Variants in KAT14 observed in about 807,000 individuals in gnomAD.
KAT14 encodes the protein lysine acetyltransferase 14.
Under a neutral mutation model 78.4 loss-of-function variants are expected in KAT14, and 66 were observed. The observed-to-expected ratio is 0.84, with a 90% CI of 0.69 to 1.03. The LOEUF is 1.03. KAT14 is among the 50% of genes least tolerant of loss of function. The pLI, the probability that KAT14 is intolerant of heterozygous loss-of-function variation, is 0.00. For missense variants in KAT14, 870 were observed against 972.5 expected (o/e 0.89, Z 1.40); for synonymous variants, 344 against 359.4 (o/e 0.96, Z 0.48).
At chr20:18,155,534 A>G (rs2038195653) in intron 4 of KAT14, among the ~76,000 whole-genome samples, 1 of 152,132 alleles carries the variant, frequency 6.6e-6, no homozygotes, top group Non-Finnish European at 1.5e-5. Flanking sequence ...GTGAAAAGAG[A>G]TGGCAGCCAT....
intron 10 of KAT14, among the ~76,000 whole-genome samples, chr20:18,185,596 T>G (rs2039426052): frequency 6.6e-6 from 1 of 152,360 alleles, no homozygotes; most frequent in East Asian, 1.9e-4. Context: ...TGAATTATAA[T>G]TCATCCTTTA....
intron 4 of KAT14, among the ~76,000 whole-genome samples, chr20:18,156,310 A>G (rs987588147): frequency 6.6e-6 from 1 of 152,262 alleles, no homozygotes; most frequent in East Asian, 1.9e-4. Context: ...CTGAAAGTGG[A>G]TGGTGGTGGT....
chr20:18,165,285 T>C (rs2038599245), intron 7 of KAT14, among the ~76,000 whole-genome samples: 1 of 152,188 alleles, frequency 6.6e-6, no homozygotes, highest in Non-Finnish European at 1.5e-5. Context: ...TTAGATGAAG[T>C]TTCCTGGAGA....
chr20:18,181,880 T>C (rs1265074924), intron 8 of KAT14, 34 bp downstream of exon 8: 15 of 1,610,512 alleles, frequency 9.3e-6, no homozygotes, highest in East Asian at 2.2e-5. Flanking sequence ...ATGTCAGGTG[T>C]GTCATGAGGG....
Position 18,142,440 on chromosome 20 carries a change from C to CT in KAT14, c.-212dup, listed in dbSNP as rs78016265. Reference sequence around the variant, plus strand: ...GAGAGTAGCTTAGTAGTATCTTCATCTTTTTTTTTGGTCACTGTCCTTTTA... The same window carrying CT: ...GAGAGTAGCTTAGTAGTATCTTCATCTTTTTTTTTTGGTCACTGTCCTTTTA... On this transcript the variant is annotated 5_prime_UTR_variant, in exon 2 of 11. The change abolishes the stop of an existing upstream ORF in the 5' untranslated region. Coordinates refer to ENST00000688188, the MANE Select transcript of KAT14 (RefSeq NM_001392073.1). 69 of 1,450,492 alleles carry CT rather than the reference C, an allele frequency of 4.8e-5. 1 individual carries two copies. The highest frequency in any genetic ancestry group is 3.8e-4 in the Middle Eastern group (2 of 5,308). The allele number at this position is 1,450,492 out of a possible 1,614,324, so 89.9% of individuals were successfully genotyped here. A position where few individuals can be genotyped will look rare whatever the true frequency, so the allele number is the denominator to read the frequency against.
At chr20:18,181,887 A>C in intron 8 of KAT14, 41 bp downstream of exon 8, 1 of 1,607,362 alleles carries the variant, frequency 6.2e-7, no homozygotes, top group African/African-American at 1.3e-5. Flanking sequence ...GTGTGTCATG[A>C]GGGATAATGA....
intron 7 of KAT14, among the ~76,000 whole-genome samples, chr20:18,167,404 A>G (rs75370003): frequency 0.043 from 6,590 of 152,274 alleles, 200 homozygotes; most frequent in Middle Eastern, 0.088. Flanking sequence ...AAAGCTTTAT[A>G]TGCTTGTGTT....
chr20:18,154,026 A>G (rs1288270181), intron 4 of KAT14, among the ~76,000 whole-genome samples: 1 of 152,236 alleles, frequency 6.6e-6, no homozygotes, highest in Non-Finnish European at 1.5e-5. Context: ...AAGAAGCAAA[A>G]GAGAATTAGA....
chr20:18,138,570 T>A (rs1312287471), intron 1 of KAT14: 1 of 544,670 alleles, frequency 1.8e-6, no homozygotes, highest in Non-Finnish European at 2.3e-6. Context: ...GGAGCCCCCC[T>A]TCCCCGTACT....
chr20:18,145,137 C>T, intron 2 of KAT14, 96 bp from the exon 3 acceptor site: 2 of 1,479,236 alleles, frequency 1.4e-6, no homozygotes, highest in Non-Finnish European at 1.8e-6. Context: ...AAGAAGACAA[C>T]ATGGGAAAGG....
intron 4 of KAT14, among the ~76,000 whole-genome samples, chr20:18,155,341 A>G (rs986507587): frequency 6.6e-6 from 1 of 152,182 alleles, no homozygotes; most frequent in East Asian, 1.9e-4. Context: ...TAAATGTAAA[A>G]AGGTGGGGGT....
chr20:18,158,715 G>A (rs35065569), intron 4 of KAT14, among the ~76,000 whole-genome samples: 8,073 of 152,234 alleles, frequency 0.053, 290 homozygotes, highest in South Asian at 0.097. Context: ...TGGGAGCTGT[G>A]CTTAATTCAC....
intron 3 of KAT14, 139 bp downstream of exon 3, chr20:18,145,490 A>G (rs1738243040): frequency 7.6e-7 from 1 of 1,310,112 alleles, no homozygotes; most frequent in East Asian, 2.3e-5. Flanking sequence ...TTAGATACCG[A>G]ATATGTGGAG....
intron 4 of KAT14, among the ~76,000 whole-genome samples, chr20:18,155,009 C>A (rs560720203): frequency 6.6e-6 from 1 of 152,142 alleles, no homozygotes; most frequent in Non-Finnish European, 1.5e-5. Flanking sequence ...TACAATGGTA[C>A]ATAAAATTAT....
intron 4 of KAT14, among the ~76,000 whole-genome samples, chr20:18,154,811 G>C (rs1034150597): frequency 2.0e-5 from 3 of 152,112 alleles, no homozygotes; most frequent in Admixed American, 6.6e-5. Flanking sequence ...GTCAAAATTT[G>C]CAAAATTACG....
At chr20:18,144,402 G>A (rs1646453223) in intron 2 of KAT14, among the ~76,000 whole-genome samples, 1 of 152,168 alleles carries the variant, frequency 6.6e-6, no homozygotes, top group African/African-American at 2.4e-5. Context: ...TGCAGTTAGG[G>A]TGAACTTATT....
intron 6 of KAT14, 34 bp from the exon 7 acceptor site, chr20:18,162,343 A>G (rs772941953): frequency 1.4e-5 from 22 of 1,602,078 alleles, no homozygotes; most frequent in Admixed American, 6.8e-5. Context: ...CTTCCTTCCT[A>G]TGTCTTGATG....
intron 1 of KAT14, chr20:18,138,268 C>T: frequency 1.6e-6 from 2 of 1,226,420 alleles, no homozygotes; most frequent in African/African-American, 1.6e-5. Context: ...CCCGCAGATT[C>T]AGGACGACCC....
chr20:18,173,918 A>G lies in KAT14; in HGVS notation c.1669-7792A>G, dbSNP rs560277604. Among the ~76,000 whole-genome samples the G allele has an allele frequency of 2.0e-5, 3 of 152,322 alleles. No individual in the cohort carries two copies. In the South Asian group the frequency reaches 6.2e-4, roughly 32 times the overall value. ...CCTAATATATTCACAAAGTTGAACC[A>G]TAATCAATTTTAGAACATTTTGTTA... On this transcript the variant is annotated intron_variant, in intron 7 of 10. Coordinates refer to ENST00000688188, the MANE Select transcript of KAT14 (RefSeq NM_001392073.1).
Sources: gnomAD v4.1 joint callset for allele counts (sites outside exome capture counted in the v4.1 genomes callset) on GRCh38, gnomAD v4.1.1 for gene constraint, MANE v1.5 for transcripts, NCBI Gene and HGNC (gene_info 2026-07-23, HGNC 2026-07-21) for gene names.